The following CLVS1 variants were observed in gnomAD, a reference collection of about 807,000 sequenced individuals.
The protein encoded by CLVS1 is clavesin 1, also known as clavesin-1.
In CLVS1, 10 loss-of-function variants were observed where a neutral mutation model predicts 33.1. The observed-to-expected ratio is 0.30, with a 90% CI of 0.19 to 0.51. The LOEUF is 0.51. Among genes scored for constraint, CLVS1 ranks in the 20% least tolerant of loss-of-function variants. CLVS1 has a pLI of 0.97. For missense variants in CLVS1, 343 were observed against 433.4 expected (o/e 0.79, Z 1.85); for synonymous variants, 163 against 166.1 (o/e 0.98, Z 0.14).
chr8:61,058,478 C>A (rs922344062), intron 1 of CLVS1, among the ~76,000 whole-genome samples: 4 of 152,218 alleles, frequency 2.6e-5, no homozygotes, highest in Admixed American at 2.6e-4. Context: ...TTACTTCTGA[C>A]TGACCACCAA....
chr8:61,332,585 A>G (rs1305635713), intron 2 of CLVS1, among the ~76,000 whole-genome samples: 8 of 152,138 alleles, frequency 5.3e-5, no homozygotes, highest in Admixed American at 6.5e-5. Context: ...GCATTAAAAG[A>G]TTCCTTTACT....
At chr8:61,002,613 A>T in the CLVS1 span, among the ~76,000 whole-genome samples, 1 of 152,086 alleles carries the variant, frequency 6.6e-6, no homozygotes, top group Non-Finnish European at 1.5e-5. Flanking sequence ...ATTATGTGTG[A>T]GCCACTGCAC....
rs1808454675 is a variant in CLVS1 at position 61,232,041 on chromosome 8, T to TTTTTTTTTG, written c.-151-67628_-151-67627insGTTTTTTTT. Among the ~76,000 whole-genome samples the TTTTTTTTTG allele has an allele frequency of 2.0e-4, 23 of 116,016 alleles. 1 individual carries two copies. Among genetic ancestry groups the TTTTTTTTTG allele is most frequent in the African/African-American group, 9.5e-4 (20 of 20,992 alleles). 76.1% of individuals were successfully genotyped at this position (116,016 alleles called of 152,430 possible). A position where few individuals can be genotyped will look rare whatever the true frequency, so the allele number is the denominator to read the frequency against. The stretch of plus-strand genomic sequence containing the variant: ...AGTTGTGGTTTTTTTTTTTTTTTTT[T>TTTTTTTTTG]TTTTTTTTTGTGAGATGGAGTCTCG... On this transcript the variant is annotated intron_variant, in intron 2 of 2. Transcript: ENST00000522621.
intron 1 of CLVS1, among the ~76,000 whole-genome samples, chr8:61,107,623 G>A (rs1170653687): frequency 6.6e-6 from 1 of 152,204 alleles, no homozygotes; most frequent in Non-Finnish European, 1.5e-5. Context: ...AATTTTGGGA[G>A]GACAAACATT....
chr8:61,274,657 A>G (rs1320846586), intron 2 of CLVS1, among the ~76,000 whole-genome samples: 1 of 152,196 alleles, frequency 6.6e-6, no homozygotes. Context: ...CCCAAAATTC[A>G]TCTTCATTTT....
the CLVS1 span, among the ~76,000 whole-genome samples, chr8:61,010,916 G>C: frequency 6.6e-6 from 1 of 152,202 alleles, no homozygotes; most frequent in Non-Finnish European, 1.5e-5. Context: ...GGGCTTCTGC[G>C]GTGCATCCCT....
chr8:61,441,665 C>T (rs1031798445), intron 3 of CLVS1, among the ~76,000 whole-genome samples: 15 of 152,130 alleles, frequency 9.9e-5, no homozygotes, highest in Admixed American at 3.9e-4. Context: ...AGCCAACGGC[C>T]ACGGGTGACA....
At chr8:61,360,350 A>G (rs1304508783) in intron 2 of CLVS1, among the ~76,000 whole-genome samples, 3 of 152,348 alleles carry the variant, frequency 2.0e-5, no homozygotes, top group East Asian at 1.9e-4. Flanking sequence ...TCCAACCCAG[A>G]AATCCTCTGA....
chr8:61,220,693 GA>G (rs1808189608), intron 2 of CLVS1, among the ~76,000 whole-genome samples: 4 of 151,818 alleles, frequency 2.6e-5, no homozygotes, highest in Admixed American at 2.6e-4. Context: ...CTAATTCTGT[GA>G]AGAATGTCAG....
At chr8:61,246,747 C>G (rs538527463) in intron 2 of CLVS1, among the ~76,000 whole-genome samples, 2 of 151,912 alleles carry the variant, frequency 1.3e-5, no homozygotes, top group Non-Finnish European at 2.9e-5. Flanking sequence ...TTTCATTTTT[C>G]TCCCATTTTT....
rs56322834 is a variant in CLVS1 at position 61,059,475 on chromosome 8, CATATATATAT to C, written c.-243+2261_-243+2270del. Among the ~76,000 whole-genome samples the C allele has an allele frequency of 7.8e-4, 39 of 50,206 alleles. 4 individuals are homozygous for C. The South Asian group carries it at 0.014, about 18-fold the overall frequency. 32.9% of individuals were successfully genotyped at this position (50,206 alleles called of 152,430 possible). A position where few individuals can be genotyped will look rare whatever the true frequency, so the allele number is the denominator to read the frequency against. On this transcript the variant is annotated intron_variant, in intron 1 of 2. Coordinates refer to the CLVS1 transcript ENST00000522621. ...ACACACACATATACATACATACATA[CATATATATAT>C]ATATATATATATATACACATATCTT...
intron 2 of CLVS1, among the ~76,000 whole-genome samples, chr8:61,157,560 T>TTG (rs1806674868): frequency 1.3e-5 from 2 of 152,074 alleles, no homozygotes; most frequent in Middle Eastern, 3.2e-3. Flanking sequence ...TTGTTTAGGC[T>TTG]ATCACAATTA....
chr8:61,056,485 C>T (rs1804474866), upstream of CLVS1, among the ~76,000 whole-genome samples: 1 of 152,140 alleles, frequency 6.6e-6, no homozygotes, highest in African/African-American at 2.4e-5. Context: ...GGCTTCACAC[C>T]AAAATGTTCT....
chr8:61,005,677 T>C, the CLVS1 span, among the ~76,000 whole-genome samples: 5 of 152,288 alleles, frequency 3.3e-5, no homozygotes, highest in East Asian at 7.7e-4. Flanking sequence ...TGCCGAGATA[T>C]TTAAAAATAG....
chr8:61,484,479 G>A lies in CLVS1; in HGVS notation c.978-14976G>A, dbSNP rs1803795097. ...AAATGGAGGAACATTCCATGCTCAT[G>A]GGTAGGAAGAATCAATATCATGAAA... is the stretch of plus-strand genomic sequence containing the variant. On this transcript the variant is annotated intron_variant, in intron 5 of 5. Transcript: ENST00000325897. 1.3e-5 allele frequency among the ~76,000 whole-genome samples: 2 copies of A among 152,298 alleles called. 1 individual carries two copies. The highest frequency in any genetic ancestry group is 4.1e-4 in the South Asian group (2 of 4,824).
At chr8:61,215,088 T>G (rs971306451) in intron 2 of CLVS1, among the ~76,000 whole-genome samples, 2 of 152,188 alleles carry the variant, frequency 1.3e-5, no homozygotes, top group Admixed American at 6.5e-5. Context: ...GTACAGCAGA[T>G]AGCCCCATTC....
chr8:61,351,434 C>T (rs1442531023), intron 2 of CLVS1, among the ~76,000 whole-genome samples: 4 of 151,956 alleles, frequency 2.6e-5, no homozygotes, highest in Non-Finnish European at 5.9e-5. Flanking sequence ...TGAATAGAGA[C>T]TCAGGCTCCT....
chr8:61,381,010 G>A (rs563664542), intron 3 of CLVS1, among the ~76,000 whole-genome samples: 1 of 152,172 alleles, frequency 6.6e-6, no homozygotes, highest in Non-Finnish European at 1.5e-5. Context: ...CGGATTTAGA[G>A]AAGTGTATTT....
intron 1 of CLVS1, chr8:61,090,749 G>GT: frequency 2.4e-6 from 1 of 419,352 alleles, no homozygotes; most frequent in East Asian, 6.0e-5. Flanking sequence ...CATAAAACTT[G>GT]TTTCCTAATT....
Sources: gnomAD v4.1 joint callset for allele counts (sites outside exome capture counted in the v4.1 genomes callset) on GRCh38, gnomAD v4.1.1 for gene constraint, MANE v1.5 for transcripts, NCBI Gene and HGNC (gene_info 2026-07-23, HGNC 2026-07-21) for gene names.